CPE: variants seen among roughly 807,000 people sequenced by gnomAD.
CPE encodes the protein carbocypeptidase E.
A neutral mutation model predicts 53.5 loss-of-function variants in CPE; 17 were observed. The observed-to-expected ratio is 0.32, with a 90% CI of 0.22 to 0.48. The LOEUF is 0.48. Among genes scored for constraint, CPE ranks in the 20% least tolerant of loss-of-function variants. The pLI is 0.99. For missense variants in CPE, 524 were observed against 614.7 expected, an observed-to-expected ratio of 0.85 and a Z score of 1.56; for synonymous variants, 226 against 228.8, an observed-to-expected ratio of 0.99 and a Z score of 0.11.
chr4:165,460,005 C>G (rs1004862000), intron 1 of CPE, among the ~76,000 whole-genome samples: 1 of 151,266 alleles, frequency 6.6e-6, no homozygotes. Flanking sequence ...GAGGGTAGTG[C>G]TTCTAGCCGC....
intron 1 of CPE, among the ~76,000 whole-genome samples, chr4:165,412,683 T>A (rs567108705): frequency 1.3e-5 from 2 of 152,288 alleles, no homozygotes; most frequent in South Asian, 4.1e-4. Context: ...CACTTTATCC[T>A]AAAAACAACC....
intron 7 of CPE, among the ~76,000 whole-genome samples, chr4:165,494,439 A>G (rs1351014675): frequency 2.0e-5 from 3 of 152,230 alleles, no homozygotes; most frequent in African/African-American, 4.8e-5. Context: ...AATAGAACTG[A>G]CGGTAGAAAA....
At chr4:165,441,959 GT>G (rs1195891651) in intron 1 of CPE, among the ~76,000 whole-genome samples, 1 of 148,260 alleles carries the variant, frequency 6.7e-6, no homozygotes, top group African/African-American at 2.5e-5. Context: ...AACTTTTTGG[GT>G]TTGTCAAAAC....
At chr4:165,406,167 A>G in intron 1 of CPE, 3 of 726,202 alleles carry the variant, frequency 4.1e-6, no homozygotes, top group Non-Finnish European at 5.2e-6. Flanking sequence ...CAGCGTATTT[A>G]TCTTTGAATG....
At chr4:165,413,330 G>A (rs1731069987) in intron 1 of CPE, among the ~76,000 whole-genome samples, 1 of 152,264 alleles carries the variant, frequency 6.6e-6, no homozygotes, top group African/African-American at 2.4e-5. Context: ...AAGAATTGGG[G>A]GATAGAGAAC....
At chr4:165,448,027 T>C (rs1222997877) in intron 1 of CPE, among the ~76,000 whole-genome samples, 1 of 152,188 alleles carries the variant, frequency 6.6e-6, no homozygotes, top group Admixed American at 6.5e-5. Flanking sequence ...TATATGCATG[T>C]ATATATACAT....
In CPE at chr4:165,484,607, G is replaced by A. The variant is rs202153664; in HGVS notation, c.973+3G>A. The A allele has an allele frequency of 3.3e-5, 54 of 1,612,816 alleles. 1 individual carries two copies. The highest frequency in any genetic ancestry group is 3.3e-4 in the Middle Eastern group (2 of 6,076). Reference sequence around the variant, plus strand: ...TGCTTGGTACAGCGTACCTGGAGGTGAGTTTCCATTGTGCTCTCTGATTAT... The same window carrying A: ...TGCTTGGTACAGCGTACCTGGAGGTAAGTTTCCATTGTGCTCTCTGATTAT... On this transcript the variant is annotated splice_donor_region_variant and intron_variant, in intron 5 of 8. Transcript: ENST00000402744.
At position 165,493,265 on chromosome 4, in the gene CPE, C is replaced by G. The variant is rs375881004; in HGVS notation, c.1208C>G (p.Thr403Arg). 9 of 1,612,414 alleles carry G rather than the reference C, an allele frequency of 5.6e-6. No individual in the cohort carries two copies. Among genetic ancestry groups the G allele is most frequent in the African/African-American group, 1.3e-5 (1 of 74,898 alleles). ...GTGGAAGGAATAGACCACGATGTTA[C>G]ATCCGGTGGGTCTTTGCCACAATTG... The part of the protein sequence containing the change: ...ISVEGIDHDV[T>R]SAKDGDYWRL... Residue 403 changes from threonine to arginine, a missense_variant, in exon 7 of 9, where the codon ACA becomes AGA. Thr to Arg is a moderately conservative substitution (Grantham distance 71). Coordinates refer to ENST00000402744, the MANE Select transcript of CPE (RefSeq NM_001873.4).
In CPE at chr4:165,464,541, C is replaced by G. The variant is rs756934559; in HGVS notation, c.459C>G (p.Ile153Met). The G allele has an allele frequency of 4.0e-5, 64 of 1,613,454 alleles. No individual in the cohort carries two copies. In the East Asian group the frequency reaches 1.3e-3, roughly 34 times the overall value. The change falls in exon 2 of 9, where the codon ATC becomes ATG. Residue 153 changes from isoleucine (I) to methionine (M), a missense_variant. Coordinates refer to ENST00000402744, the MANE Select transcript of CPE (RefSeq NM_001873.4). ...TGATCCACAGTACCCGCATTCACAT[C>G]ATGCCTTCCCTGAACCCAGATGGCT... ...VNLIHSTRIHIMPSLNPDGFE... is the reference protein window; with the variant it reads ...VNLIHSTRIHMMPSLNPDGFE...
At chr4:165,484,927 A>G (rs955931386) in intron 5 of CPE, among the ~76,000 whole-genome samples, 1 of 152,232 alleles carries the variant, frequency 6.6e-6, no homozygotes, top group Non-Finnish European at 1.5e-5. Context: ...ATAAGATGGC[A>G]TCCTTAGTTT....
chr4:165,441,397 C>A (rs887579035), intron 1 of CPE, among the ~76,000 whole-genome samples: 8 of 152,268 alleles, frequency 5.3e-5, no homozygotes, highest in Admixed American at 4.6e-4. Flanking sequence ...CCCAGTGACT[C>A]CATTTGCTAC....
intron 1 of CPE, among the ~76,000 whole-genome samples, chr4:165,383,261 G>A (rs947783032): frequency 1.3e-5 from 2 of 151,948 alleles, no homozygotes; most frequent in East Asian, 1.9e-4. Flanking sequence ...CATTTTTCCC[G>A]TTTTTCTTTC....
chr4:165,446,535 T>C (rs887968409), intron 1 of CPE, among the ~76,000 whole-genome samples: 2 of 152,212 alleles, frequency 1.3e-5, no homozygotes, highest in Non-Finnish European at 2.9e-5. Context: ...GGTCTTGCTC[T>C]GTCACCCAGG....
intron 1 of CPE, chr4:165,418,134 G>A (rs1053260970): frequency 3.9e-5 from 6 of 152,148 alleles, no homozygotes; most frequent in Non-Finnish European, 8.8e-5. Flanking sequence ...TGTTTAAAAC[G>A]CAAATATCAC....
intron 1 of CPE, among the ~76,000 whole-genome samples, chr4:165,402,835 C>T (rs533884634): frequency 6.6e-6 from 1 of 152,142 alleles, no homozygotes; most frequent in Non-Finnish European, 1.5e-5. Context: ...AAAAGACTTA[C>T]TCTCCCCCGA....
chr4:165,393,166 A>G (rs1204287582), intron 1 of CPE, among the ~76,000 whole-genome samples: 1 of 152,214 alleles, frequency 6.6e-6, no homozygotes, highest in Non-Finnish European at 1.5e-5. Flanking sequence ...AAACTCACAA[A>G]AATAAGAACA....
chr4:165,434,163 G>C (rs1318508043), intron 1 of CPE, among the ~76,000 whole-genome samples: 5 of 149,764 alleles, frequency 3.3e-5, no homozygotes, highest in Non-Finnish European at 5.9e-5. Flanking sequence ...AAAAATCTTT[G>C]TGTGACTGTC....
At chr4:165,460,557 G>T (rs544434003) in intron 1 of CPE, among the ~76,000 whole-genome samples, 1 of 152,154 alleles carries the variant, frequency 6.6e-6, no homozygotes, top group South Asian at 2.1e-4. Flanking sequence ...TATTCCACCC[G>T]GGTGCAGCCT....
intron 1 of CPE, among the ~76,000 whole-genome samples, chr4:165,453,179 C>T (rs996360682): frequency 3.3e-5 from 5 of 151,912 alleles, no homozygotes; most frequent in South Asian, 2.1e-4. Flanking sequence ...AGGCTGGTCT[C>T]GAACTCCTGA....
Sources: gnomAD v4.1 joint callset for allele counts (sites outside exome capture counted in the v4.1 genomes callset) on GRCh38, gnomAD v4.1.1 for gene constraint, MANE v1.5 for transcripts, NCBI Gene and HGNC (gene_info 2026-07-23, HGNC 2026-07-21) for gene names.